STX11: variants seen among roughly 807,000 people sequenced by gnomAD.
STX11 encodes the protein syntaxin-11.
A neutral mutation model predicts 19.9 loss-of-function variants in STX11; 21 were observed. The observed-to-expected ratio is 1.06, with a 90% CI of 0.75 to 1.52. The LOEUF (loss-of-function observed/expected upper bound fraction) is 1.52, where lower values mean the gene tolerates loss of function less well. Among genes scored for constraint, STX11 ranks in the 40% most tolerant of loss-of-function variants. STX11 has a pLI of 0.00. For synonymous variants in STX11, 193 were observed against 174.4 expected (o/e 1.11, Z -0.84); for missense variants, 438 against 405.9 (o/e 1.08, Z -0.68).
At position 144,180,825 on chromosome 6, in the gene STX11, A is replaced by G. The variant is rs1219261156; in HGVS notation, c.-5-5798A>G. ...TAAGATTCTATGTGCCAAATATAGT[A>G]GGCTATTCAAAGCAGGATCTAGGTC... On this transcript the variant is annotated intron_variant, in intron 1 of 1. Transcript: ENST00000367568. This position sits in a 1 kb window ranked among gnomAD's most constrained non-coding sequence, Gnocchi z 5.3. Among the ~76,000 whole-genome samples the G allele has an allele frequency of 6.6e-6, 1 of 152,238 alleles. No individual in the cohort carries two copies. Among genetic ancestry groups the G allele is most frequent in the African/African-American group, 2.4e-5 (1 of 41,462 alleles).
rs890218800 is a variant in STX11, at chr6:144,150,688, C to T, written c.-21C>T. 1.0e-6 allele frequency: 1 copy of T among 985,126 alleles called. No individual in the cohort carries two copies. Among genetic ancestry groups the T allele is most frequent in the African/African-American group, 1.7e-5 (1 of 57,160 alleles). 61.0% of individuals were successfully genotyped at this position (985,126 alleles called of 1,614,324 possible). Reference sequence around the variant, plus strand: ...GGAGAGGGGCTTCTCGGTTCGCACTCTCGCTCCCAGTCCAGGTTTGTTTTT... The same window carrying T: ...GGAGAGGGGCTTCTCGGTTCGCACTTTCGCTCCCAGTCCAGGTTTGTTTTT... On this transcript the variant is annotated 5_prime_UTR_variant, in exon 1 of 2. Coordinates refer to ENST00000367568, the MANE Select transcript of STX11 (RefSeq NM_003764.4).
chr6:144,187,121 T>C lies in STX11; in HGVS notation c.494T>C (p.Leu165Pro). Residue 165 changes from leucine to proline, a missense_variant, in exon 2 of 2, where the codon CTG (leucine) becomes CCG (proline). By Grantham distance (98) the Leu-to-Pro change is moderately conservative (BLOSUM62 -3). Transcript: ENST00000367568. This position sits in a 1 kb window ranked among gnomAD's most constrained non-coding sequence, Gnocchi z 5.6. ...TGCAAGATCCGCATCCAGCGCCAGCTGGAGATCATGGGCAAGGAAGTCTCG... is the reference window on the plus strand; with the variant it reads ...TGCAAGATCCGCATCCAGCGCCAGCCGGAGATCATGGGCAAGGAAGTCTCG... ...DNCKIRIQRQ[L>P]EIMGKEVSGD... 1.2e-6 allele frequency: 2 copies of C among 1,613,898 alleles called. No homozygotes were observed. The highest frequency in any genetic ancestry group is 2.2e-5 in the East Asian group (1 of 44,852).
chr6:144,159,965 A>C lies in STX11; in HGVS notation c.-6+9262A>C, dbSNP rs1182027802. On this transcript the variant is annotated intron_variant, in intron 1 of 1. Coordinates refer to ENST00000367568, the MANE Select transcript of STX11 (RefSeq NM_003764.4). The surrounding 1 kb of genome is among the most constrained non-coding windows in gnomAD (Gnocchi z 4.3). ...CAACCTCCACCCAGCTTGGTGGCTCATGCTGGGTCCTTTTTCTCCTTTTCT... is the reference window on the plus strand; with the variant it reads ...CAACCTCCACCCAGCTTGGTGGCTCCTGCTGGGTCCTTTTTCTCCTTTTCT... Among the ~76,000 whole-genome samples the C allele has an allele frequency of 6.6e-6, 1 of 152,104 alleles. No homozygotes were observed. The highest frequency in any genetic ancestry group is 1.9e-4 in the East Asian group (1 of 5,198).
At chr6:144,150,209 C>G (rs1165779502), upstream of STX11, among the ~76,000 whole-genome samples, 1 of 152,266 alleles carries the variant, frequency 6.6e-6, no homozygotes, top group Non-Finnish European at 1.5e-5. Flanking sequence ...AGCGGGGATT[C>G]CCGGGGGAAG....
chr6:144,181,240 G>C (rs1250471600), intron 1 of STX11, among the ~76,000 whole-genome samples: 2 of 152,084 alleles, frequency 1.3e-5, no homozygotes, highest in Non-Finnish European at 2.9e-5. Context: ...TGCTCATCGA[G>C]ATTGCCCCCA....
rs770563158 is a variant in STX11, at chr6:144,187,434, C to T, written c.807C>T (p.Tyr269=). Residue 269 remains tyrosine (Y), a synonymous_variant, in exon 2 of 2, where the codon TAC becomes TAT. Transcript: ENST00000367568. The surrounding 1 kb of genome is among the most constrained non-coding windows in gnomAD (Gnocchi z 5.6). ...AKAQVRKAVQ[Y]EEKNPCRTLC... ...CGCAGGTGCGGAAGGCCGTGCAGTA[C>T]GAGGAGAAGAACCCCTGCCGGACCC... The T allele has an allele frequency of 5.0e-6, 8 of 1,611,950 alleles. No individual in the cohort carries two copies. In the East Asian group the frequency reaches 6.7e-5, roughly 13 times the overall value.
chr6:144,187,449 C>CT lies in STX11; in HGVS notation c.823dup (p.Cys275LeufsTer80). 6.2e-7 allele frequency: 1 copy of CT among 1,612,484 alleles called. No individual in the cohort carries two copies. Among genetic ancestry groups the CT allele is most frequent in the Non-Finnish European group, 8.5e-7 (1 of 1,179,982 alleles). ...CCGTGCAGTACGAGGAGAAGAACCC[C>CT]TGCCGGACCCTCTGCTGCTTCTGCT... On this transcript the variant is annotated frameshift_variant, in exon 2 of 2. Transcript: ENST00000367568. LOFTEE classifies it high-confidence loss of function. This position sits in a 1 kb window ranked among gnomAD's most constrained non-coding sequence, Gnocchi z 5.6.
chr6:144,189,995 A>AT lies in STX11; in HGVS notation c.*2508dup, dbSNP rs1562673598. 6.6e-6 allele frequency among the ~76,000 whole-genome samples: 1 copy of AT among 152,168 alleles called. No homozygotes were observed. The highest frequency in any genetic ancestry group is 1.9e-4 in the East Asian group (1 of 5,190). On this transcript the variant is annotated 3_prime_UTR_variant, in exon 2 of 2. Transcript: ENST00000367568. ...TTTGACATGTTTGAACCCATAAAGC[A>AT]TTTTCTTTGCTTGGAACCATTATAA...
chr6:144,140,228 ATATATATATATATATATATATATATATT>A, the STX11 span, among the ~76,000 whole-genome samples: 174 of 43,906 alleles, frequency 4.0e-3, 4 homozygotes, highest in Non-Finnish European at 5.3e-3. Flanking sequence ...ATATATATAT[ATATATATATATATATATATATATATATT>A]TATTTATTTA....
chr6:144,187,034 C>T lies in STX11; in HGVS notation c.407C>T (p.Thr136Ile). ...TCGCGGGCGCAGTACAACGCGCTCA[C>T]CCTCACCTTCCAGCGCGCCATGCAC... ...RISRAQYNAL[T>I]LTFQRAMHDY... The change falls in exon 2 of 2, where the codon ACC (threonine) becomes ATC (isoleucine). Residue 136 changes from threonine to isoleucine, a missense_variant. Transcript: ENST00000367568. The surrounding 1 kb of genome is among the most constrained non-coding windows in gnomAD (Gnocchi z 5.6). The T allele has an allele frequency of 6.2e-7, 1 of 1,612,660 alleles. No homozygotes were observed. Among genetic ancestry groups the T allele is most frequent in the Non-Finnish European group, 8.5e-7 (1 of 1,179,928 alleles).
At chr6:144,150,844 C>T (rs2128745591) in intron 1 of STX11, 141 bp downstream of exon 1, 1 of 585,458 alleles carries the variant, frequency 1.7e-6, no homozygotes, top group African/African-American at 2.0e-5. Flanking sequence ...GATTTTGGAT[C>T]TGGCGCAGGT....
rs1562673104 is a variant in STX11 at position 144,189,235 on chromosome 6, T to G, written c.*1744T>G. 6.6e-6 allele frequency among the ~76,000 whole-genome samples: 1 copy of G among 152,196 alleles called. No homozygotes were observed. The highest frequency in any genetic ancestry group is 1.5e-5 in the Non-Finnish European group (1 of 68,036). On this transcript the variant is annotated 3_prime_UTR_variant, in exon 2 of 2. Coordinates refer to ENST00000367568, the MANE Select transcript of STX11 (RefSeq NM_003764.4). ...ACAGGGTTTGCCATGTGGCCCAGGC[T>G]GGTCTCAAACTTGTGAGCTTGAGCA...
At chr6:144,146,083 A>G (rs1800868503), upstream of STX11, among the ~76,000 whole-genome samples, 1 of 152,220 alleles carries the variant, frequency 6.6e-6, no homozygotes, top group East Asian at 1.9e-4. The surrounding 1 kb of genome is among the most constrained non-coding windows in gnomAD (Gnocchi z 4.4). Context: ...AGGGATACGC[A>G]ATGACTATTT....
In STX11 at chr6:144,187,179, T is replaced by TA. The variant is rs1317576992; in HGVS notation, c.554dup (p.Trp186ValfsTer169). On this transcript the variant is annotated frameshift_variant, in exon 2 of 2. Coordinates refer to ENST00000367568, the MANE Select transcript of STX11 (RefSeq NM_003764.4). LOFTEE classifies it high-confidence loss of function. This position sits in a 1 kb window ranked among gnomAD's most constrained non-coding sequence, Gnocchi z 5.6. ...AGATCGAGGACATGTTCGAGCAGGG[T>TA]AAGTGGGACGTGTTTTCCGAGAACT... is the stretch of plus-strand genomic sequence containing the variant. The TA allele has an allele frequency of 6.8e-6, 11 of 1,613,364 alleles. No individual in the cohort carries two copies. The Admixed American group carries it at 1.8e-4, about 27-fold the overall frequency.
chr6:144,187,159 G>C lies in STX11; in HGVS notation c.532G>C (p.Glu178Gln), dbSNP rs748450693. 1.9e-6 allele frequency: 3 copies of C among 1,614,010 alleles called. No individual in the cohort carries two copies. The Admixed American group carries it at 5.0e-5, about 27-fold the overall frequency. Residue 178 changes from glutamate (E) to glutamine (Q), a missense_variant, in exon 2 of 2, where the codon GAG becomes CAG. Transcript: ENST00000367568. This position sits in a 1 kb window ranked among gnomAD's most constrained non-coding sequence, Gnocchi z 5.6. ...CAAGGAAGTCTCGGGCGACCAGATCGAGGACATGTTCGAGCAGGGTAAGTG... is the reference window on the plus strand; with the variant it reads ...CAAGGAAGTCTCGGGCGACCAGATCCAGGACATGTTCGAGCAGGGTAAGTG... ...MGKEVSGDQI[E>Q]DMFEQGKWDV...
intron 1 of STX11, among the ~76,000 whole-genome samples, chr6:144,173,487 G>A (rs1328660801): frequency 2.0e-5 from 3 of 152,156 alleles, no homozygotes; most frequent in Non-Finnish European, 2.9e-5. Context: ...AGAGACTGGA[G>A]AGATAAAAAG....
the STX11 span, among the ~76,000 whole-genome samples, chr6:144,140,249 TATATA>T: frequency 1.1e-4 from 5 of 45,848 alleles, no homozygotes; most frequent in African/African-American, 6.6e-4. Flanking sequence ...TATATATATA[TATATA>T]TTTATTTATT....
rs922452071 is a variant in STX11 at position 144,167,505 on chromosome 6, T to C, written c.-6+16802T>C. Among the ~76,000 whole-genome samples, 2 of 152,250 alleles carry C rather than the reference T, an allele frequency of 1.3e-5. No individual in the cohort carries two copies. Among genetic ancestry groups the C allele is most frequent in the African/African-American group, 2.4e-5 (1 of 41,464 alleles). The stretch of plus-strand genomic sequence containing the variant: ...ATTGAACCATCAGAAAACAAAGGTG[T>C]CACTATCTCAGGCACCCACGTGGAC... On this transcript the variant is annotated intron_variant, in intron 1 of 1. Transcript: ENST00000367568. This position sits in a 1 kb window ranked among gnomAD's most constrained non-coding sequence, Gnocchi z 5.0.
chr6:144,166,249 C>T (rs1363133225), intron 1 of STX11, among the ~76,000 whole-genome samples: 1 of 152,108 alleles, frequency 6.6e-6, no homozygotes, highest in Non-Finnish European at 1.5e-5. Flanking sequence ...AAGAGATGTT[C>T]AACGTATATG....
Sources: gnomAD v4.1 joint callset for allele counts (sites outside exome capture counted in the v4.1 genomes callset) on GRCh38, gnomAD v4.1.1 for gene constraint, Gnocchi (gnomAD v3.1) non-coding constraint, MANE v1.5 for transcripts, NCBI Gene and HGNC (gene_info 2026-07-23, HGNC 2026-07-21) for gene names.